ABCA4: variants seen among roughly 807,000 people sequenced by gnomAD.
ABCA4 encodes the protein ATP binding cassette subfamily A member 4, also known as retinal-specific phospholipid-transporting ATPase ABCA4.
Under a neutral mutation model 263.7 loss-of-function variants are expected in ABCA4, and 196 were observed. That is an observed-to-expected ratio of 0.74 (90% CI 0.66 to 0.84). The LOEUF is 0.84. ABCA4 is among the 40% of genes least tolerant of loss of function. ABCA4 has a pLI of 0.00. For synonymous variants in ABCA4, 1,133 were observed against 1,094.2 expected (o/e 1.04, Z -0.70); for missense variants, 2,792 against 2,855.1 (o/e 0.98, Z 0.50).
chr1:94,094,067 A>G (rs908996219), intron 6 of ABCA4, among the ~76,000 whole-genome samples: 1 of 152,180 alleles, frequency 6.6e-6, no homozygotes, highest in Non-Finnish European at 1.5e-5. Context: ...AGTGGGAGAA[A>G]TTGGAAAGAA....
At chr1:94,078,063 G>A (rs898298471) in intron 10 of ABCA4, among the ~76,000 whole-genome samples, 176 bp from the exon 11 acceptor site, 1 of 152,174 alleles carries the variant, frequency 6.6e-6, no homozygotes, top group Non-Finnish European at 1.5e-5. Context: ...ATTTCCCCAA[G>A]TCCATGGGTC....
chr1:94,032,698 T>A (rs1440702128), intron 26 of ABCA4, among the ~76,000 whole-genome samples: 1 of 152,184 alleles, frequency 6.6e-6, no homozygotes, highest in Non-Finnish European at 1.5e-5. Flanking sequence ...ATATGTGTAA[T>A]ACACTCACAT....
intron 11 of ABCA4, among the ~76,000 whole-genome samples, chr1:94,072,905 C>T (rs1447137786): frequency 6.6e-6 from 1 of 151,996 alleles, no homozygotes; most frequent in East Asian, 1.9e-4. Flanking sequence ...GATTGCAGAC[C>T]CTATTGTGGA....
intron 5 of ABCA4, among the ~76,000 whole-genome samples, chr1:94,099,636 A>C (rs1043949231): frequency 1.3e-5 from 2 of 152,224 alleles, no homozygotes; most frequent in Non-Finnish European, 2.9e-5. Context: ...TTGCTCTTGG[A>C]TTTAGCAAAC....
intron 7 of ABCA4, 151 bp from the exon 8 acceptor site, chr1:94,080,869 A>G (rs1661678691): frequency 1.6e-6 from 2 of 1,214,286 alleles, no homozygotes; most frequent in East Asian, 2.5e-5. Flanking sequence ...GCGAAAAACA[A>G]AAAACAAAAC....
chr1:94,050,278 G>A (rs1034252986), intron 17 of ABCA4, among the ~76,000 whole-genome samples: 1 of 151,916 alleles, frequency 6.6e-6, no homozygotes, highest in Non-Finnish European at 1.5e-5. Flanking sequence ...TCCTCCTGAA[G>A]AGTTTAATCA....
Position 93,997,810 on chromosome 1 carries a change from G to C in ABCA4, c.6729+51C>G, listed in dbSNP as rs7518454. ...TTATGGCAATTCCAACCCACACTGG[G>C]TGTTCTGGACCAGTCTTTGCTCAGC... On this transcript the variant is annotated intron_variant, in intron 48 of 49. Coordinates refer to ENST00000370225, the MANE Select transcript of ABCA4 (RefSeq NM_000350.3). 0.068 allele frequency: 109,881 copies of C among 1,611,500 alleles called. 4,770 individuals are homozygous for C. Among genetic ancestry groups the C allele is most frequent in the African/African-American group, 0.2 (15,202 of 74,926 alleles).
chr1:94,008,952 C>A (rs1280356275), intron 40 of ABCA4, 81 bp from the exon 41 acceptor site: 26 of 1,572,874 alleles, frequency 1.7e-5, no homozygotes, highest in Non-Finnish European at 2.2e-5. Flanking sequence ...CTCTCTTCCA[C>A]TTCCTTGCTT....
Position 94,031,808 on chromosome 1 carries a change from G to A in ABCA4, c.4098C>T (p.Thr1366=), listed in dbSNP as rs1357156777. The change falls in exon 27 of 50, where the codon ACC becomes ACT. Residue 1366 remains threonine (T), a synonymous_variant. Coordinates refer to ENST00000370225, the MANE Select transcript of ABCA4 (RefSeq NM_000350.3). ...CCAGGAAGTCCTTGTGGCTGCGGAT[G>A]GTGTGTTGGAATCTCTTGACCAGCA... ...QALLVKRFQH[T]IRSHKDFLAQ... 3.1e-6 allele frequency: 5 copies of A among 1,613,856 alleles called. No individual in the cohort carries two copies. Among genetic ancestry groups the A allele is most frequent in the Admixed American group, 1.7e-5 (1 of 60,012 alleles).
intron 5 of ABCA4, among the ~76,000 whole-genome samples, 166 bp from the exon 6 acceptor site, chr1:94,099,157 T>C (rs973929663): frequency 1.3e-5 from 2 of 152,146 alleles, no homozygotes; most frequent in African/African-American, 4.8e-5. Flanking sequence ...GGAGATTATT[T>C]TGGCTTTTCT....
chr1:94,001,257 G>A, intron 45 of ABCA4, 152 bp from the exon 46 acceptor site: 1 of 661,558 alleles, frequency 1.5e-6, no homozygotes, highest in South Asian at 1.8e-5. Flanking sequence ...GTACCCTGGT[G>A]TAGGGTAGGG....
intron 11 of ABCA4, among the ~76,000 whole-genome samples, chr1:94,075,044 A>G (rs1399294180): frequency 6.6e-6 from 1 of 152,228 alleles, no homozygotes; most frequent in Admixed American, 6.5e-5. Flanking sequence ...CATCATCCTC[A>G]GCAAACTAAC....
chr1:94,109,899 A>G (rs1176920078), intron 3 of ABCA4, among the ~76,000 whole-genome samples: 1 of 152,216 alleles, frequency 6.6e-6, no homozygotes, highest in Non-Finnish European at 1.5e-5. Context: ...ATGAAACCCA[A>G]CTTTCCGGGT....
intron 43 of ABCA4, 55 bp from the exon 44 acceptor site, chr1:94,005,637 T>C (rs1019409462): frequency 7.0e-6 from 11 of 1,577,256 alleles, no homozygotes; most frequent in African/African-American, 6.7e-5. Context: ...GGGATGACCA[T>C]AGAGCTAGGG....
At chr1:94,083,543 C>G (rs1022699699) in intron 6 of ABCA4, 102 bp from the exon 7 acceptor site, 81 of 801,176 alleles carry the variant, frequency 1.0e-4, no homozygotes, top group Non-Finnish European at 2.1e-5. Context: ...AACTCCCCCC[C>G]TCCTTCTTTC....
intron 34 of ABCA4, 92 bp from the exon 35 acceptor site, chr1:94,021,501 G>A: frequency 1.3e-6 from 2 of 1,568,654 alleles, no homozygotes; most frequent in Non-Finnish European, 1.8e-6. Flanking sequence ...AGCAGGAAGG[G>A]TTTGGTAGCT....
At chr1:94,074,335 C>A (rs1444021410) in intron 11 of ABCA4, among the ~76,000 whole-genome samples, 1 of 152,132 alleles carries the variant, frequency 6.6e-6, no homozygotes, top group Non-Finnish European at 1.5e-5. Flanking sequence ...AAACTGGATC[C>A]CTTCCTTACA....
intron 13 of ABCA4, 74 bp downstream of exon 13, chr1:94,062,503 C>T: frequency 6.5e-7 from 1 of 1,550,334 alleles, no homozygotes. Context: ...TTGAGGGCAC[C>T]CCCAGCCCAC....
At chr1:94,089,285 T>C (rs1485013757) in intron 6 of ABCA4, among the ~76,000 whole-genome samples, 1 of 152,194 alleles carries the variant, frequency 6.6e-6, no homozygotes, top group Admixed American at 6.5e-5. Context: ...CTTAGAAGTG[T>C]TTGTAAAGTG....
Sources: allele counts gnomAD v4.1 joint callset (sites outside exome capture counted in the v4.1 genomes callset), GRCh38; gene constraint gnomAD v4.1.1; transcripts MANE v1.5; gene names NCBI Gene and HGNC (gene_info 2026-07-23, HGNC 2026-07-21).